Variants in GTF3C3 observed in about 807,000 individuals in gnomAD.
GTF3C3 encodes general transcription factor 3C polypeptide 3.
In GTF3C3, 75 loss-of-function variants were observed where a neutral mutation model predicts 105.2. The ratio of observed to expected loss-of-function variants is 0.71; its 90% CI spans 0.59 to 0.86. The LOEUF (loss-of-function observed/expected upper bound fraction) is 0.86. Among genes scored for constraint, GTF3C3 ranks in the 40% least tolerant of loss-of-function variants. GTF3C3 has a pLI of 0.00. For missense variants in GTF3C3, 856 were observed against 1,076.5 expected (o/e 0.80, Z 2.87); for synonymous variants, 335 against 370.4 (o/e 0.90, Z 1.10).
Position 196,780,581 on chromosome 2 carries a change from A to AG in GTF3C3, c.1195dup (p.Leu399ProfsTer5). 6.2e-7 allele frequency: 1 copy of AG among 1,613,490 alleles called. No homozygotes were observed. The highest frequency in any genetic ancestry group is 8.5e-7 in the Non-Finnish European group (1 of 1,179,564). Reference sequence around the variant, plus strand: ...TACATTAAGTGGTTCAAGAATGTTGAGATGTACAAGGCAGACCATCAACTT... The same window carrying AG: ...TACATTAAGTGGTTCAAGAATGTTGAGGATGTACAAGGCAGACCATCAACTT... On this transcript the variant is annotated frameshift_variant, in exon 9 of 18. Coordinates refer to ENST00000263956, the MANE Select transcript of GTF3C3 (RefSeq NM_012086.5). LOFTEE classifies it high-confidence loss of function.
At chr2:196,794,551 C>T (rs527945265) in intron 2 of GTF3C3, among the ~76,000 whole-genome samples, 17 of 152,164 alleles carry the variant, frequency 1.1e-4, no homozygotes, top group Non-Finnish European at 2.5e-4. Flanking sequence ...TCTCCTGCCT[C>T]AGCCTCATGG....
chr2:196,776,634 G>A lies in GTF3C3; in HGVS notation c.1391-5C>T, dbSNP rs1294126375. The A allele has an allele frequency of 6.3e-7, 1 of 1,597,894 alleles. No individual in the cohort carries two copies. Among genetic ancestry groups the A allele is most frequent in the Admixed American group, 1.7e-5 (1 of 59,702 alleles). Reference sequence around the variant, plus strand: ...AGCCTAAGGCCTTTAAACATTCTAAGATGATGTTAAAATAAAGCAAAAGTA... The same window carrying A: ...AGCCTAAGGCCTTTAAACATTCTAAAATGATGTTAAAATAAAGCAAAAGTA... On this transcript the variant is annotated splice_polypyrimidine_tract_variant and splice_region_variant and intron_variant, in intron 10 of 17. Transcript: ENST00000263956. The surrounding 1 kb of genome is among the most constrained non-coding windows in gnomAD (Gnocchi z 4.5).
chr2:196,785,441 C>T lies in GTF3C3; in HGVS notation c.1041G>A (p.Glu347=). Residue 347 remains glutamate, a splice_region_variant and synonymous_variant, in exon 7 of 18, where the codon GAG becomes GAA. Transcript: ENST00000263956. ...ISNKQYDKAL[E]IITDFSGIVL... is the part of the protein sequence containing the mutation. ...CAGAGAAACACATAAGCATTCCTAC[C>T]TCCAAAGCTTTGTCATACTGTTTGT... The T allele has an allele frequency of 1.9e-6, 3 of 1,592,608 alleles. No individual in the cohort carries two copies. The highest frequency in any genetic ancestry group is 1.2e-5 in the South Asian group (1 of 86,318).
chr2:196,791,278 ATTTGT>A (rs1257584132), intron 4 of GTF3C3, 54 bp downstream of exon 4: 9 of 1,558,206 alleles, frequency 5.8e-6, no homozygotes, highest in Admixed American at 1.7e-5. Context: ...GTGCTCCCCC[ATTTGT>A]TTTAAGTCAG....
chr2:196,793,140 T>C lies in GTF3C3; in HGVS notation c.227A>G (p.Asp76Gly), dbSNP rs1361412271. Residue 76 changes from aspartate to glycine, a missense_variant, in exon 3 of 18, where the codon GAT becomes GGT. Physicochemically the swap from Asp to Gly is moderately conservative, Grantham distance 94 (BLOSUM62 -1). This residue lies in a region of GTF3C3 where 117 missense variants were observed against 114.0 expected (regional missense o/e 1.03). Transcript: ENST00000263956. ...CTTGTGAACTGACTTCCTCACTCCA[T>C]CTGATGTTTCTCCTGAGAAAAGAGA... ...DKDVNEGETS[D>G]GVRKSVHKVF... 6.9e-6 allele frequency: 11 copies of C among 1,604,792 alleles called. No homozygotes were observed. Among genetic ancestry groups the C allele is most frequent in the Admixed American group, 1.7e-5 (1 of 59,130 alleles).
Position 196,789,294 on chromosome 2 carries a change from T to G in GTF3C3, c.803A>C (p.Lys268Thr). The G allele has an allele frequency of 6.2e-7, 1 of 1,613,606 alleles. No homozygotes were observed. Among genetic ancestry groups the G allele is most frequent in the Non-Finnish European group, 8.5e-7 (1 of 1,179,678 alleles). Residue 268 changes from lysine (K) to threonine (T), a missense_variant, in exon 6 of 18, where the codon AAA becomes ACA. Lys to Thr is a moderately conservative substitution (Grantham distance 78, BLOSUM62 -1). Transcript: ENST00000263956. ...ACGCCTATAACCATCCATGGCCATT[T>G]TATGATCACCCATCTGTTCATAAAG... is the stretch of plus-strand genomic sequence containing the variant. ...SSLYEQMGDH[K>T]MAMDGYRRIL...
chr2:196,781,358 ATATATAT>A (rs1355767123), intron 8 of GTF3C3, among the ~76,000 whole-genome samples: 3 of 31,928 alleles, frequency 9.4e-5, no homozygotes, highest in African/African-American at 4.1e-4. Flanking sequence ...AAAAAAAAAA[ATATATAT>A]ATATATATAT....
chr2:196,776,075 A>G lies in GTF3C3; in HGVS notation c.1630T>C (p.Phe544Leu), dbSNP rs140024411. 4 of 1,597,120 alleles carry G rather than the reference A, an allele frequency of 2.5e-6. No individual in the cohort carries two copies. The highest frequency in any genetic ancestry group is 3.4e-6 in the Non-Finnish European group (4 of 1,169,668). ...KLLLHRSTLLFSQGKMYGYVD... is the reference protein window; with the variant it reads ...KLLLHRSTLLLSQGKMYGYVD... ...TAACCATACATTTTGCCTTGTGAAA[A>G]CAACAGAGTAGAACGATGAAGCAAT... is the stretch of plus-strand genomic sequence containing the variant. Residue 544 changes from phenylalanine to leucine, a missense_variant, in exon 12 of 18, where the codon TTT becomes CTT. Phe to Leu is a conservative substitution (Grantham distance 22). This residue lies in a region of GTF3C3 where 605 missense variants were observed against 833.6 expected (regional missense o/e 0.73). Transcript: ENST00000263956. This position sits in a 1 kb window ranked among gnomAD's most constrained non-coding sequence, Gnocchi z 4.5.
At chr2:196,791,679 T>C (rs998614244) in intron 3 of GTF3C3, 6 of 416,408 alleles carry the variant, frequency 1.4e-5, no homozygotes, top group African/African-American at 1.2e-4. Context: ...CTCATTCTTG[T>C]AATCCCAGCA....
Position 196,780,530 on chromosome 2 carries a change from G to A in GTF3C3, c.1218+29C>T, listed in dbSNP as rs1271908348. The A allele has an allele frequency of 5.6e-6, 9 of 1,598,936 alleles. No individual in the cohort carries two copies. The South Asian group carries it at 1.0e-4, about 18-fold the overall frequency. ...AAAGAGATGGTGCATTTGATCTGAA[G>A]TATCTCAAGTGCAGATCTTGTTACA... On this transcript the variant is annotated intron_variant, in intron 9 of 17. Coordinates refer to ENST00000263956, the MANE Select transcript of GTF3C3 (RefSeq NM_012086.5).
chr2:196,791,398 A>G lies in GTF3C3; in HGVS notation c.474T>C (p.Ile158=), dbSNP rs1199066932. 1.2e-6 allele frequency: 2 copies of G among 1,614,010 alleles called. No homozygotes were observed. The highest frequency in any genetic ancestry group is 2.2e-5 in the South Asian group (2 of 91,080). The change falls in exon 4 of 18, where the codon ATT becomes ATC. Residue 158 remains isoleucine (I), a synonymous_variant. Coordinates refer to ENST00000263956, the MANE Select transcript of GTF3C3 (RefSeq NM_012086.5). ...ALRGLMGEAN[I]RFARGEREEA... ...CTTCACGTTCTCCTCGAGCAAAACGAATGTTGGCTTCACCCATGAGACCTC... is the reference window on the plus strand; with the variant it reads ...CTTCACGTTCTCCTCGAGCAAAACGGATGTTGGCTTCACCCATGAGACCTC...
In GTF3C3 at chr2:196,780,592, G is replaced by T; in HGVS notation, c.1185C>A (p.Cys395Ter). The T allele has an allele frequency of 6.2e-7, 1 of 1,613,564 alleles. No homozygotes were observed. Among genetic ancestry groups the T allele is most frequent in the Admixed American group, 1.7e-5 (1 of 59,998 alleles). The part of the protein sequence containing the change: ...PIDITVKLMV[C>*]LVHLNILEPL... ...GTTCAAGAATGTTGAGATGTACAAG[G>T]CAGACCATCAACTTCACTGTGATAT... The change falls in exon 9 of 18, where the codon TGC becomes TGA. Residue 395 changes from cysteine (C) to a stop codon, truncating the protein, a stop_gained. Coordinates refer to ENST00000263956, the MANE Select transcript of GTF3C3 (RefSeq NM_012086.5). LOFTEE classifies it high-confidence loss of function.
Position 196,791,338 on chromosome 2 carries a change from T to C in GTF3C3, c.534A>G (p.Gln178=). ...AILMCMEIIR[Q]APLAYEPFST... ...TAACAAAGTCCCCACAGAAAACACC[T>C]TGTCTTATGATTTCCATGCACATCA... The change falls in exon 4 of 18, where the codon CAA becomes CAG. Residue 178 remains glutamine, a splice_region_variant and synonymous_variant. Transcript: ENST00000263956. 1.2e-6 allele frequency: 2 copies of C among 1,613,960 alleles called. No homozygotes were observed. The highest frequency in any genetic ancestry group is 1.1e-5 in the South Asian group (1 of 91,068).
In GTF3C3 at chr2:196,764,433, A is replaced by G. The variant is rs1456756021; in HGVS notation, c.*130T>C. 6 of 840,762 alleles carry G rather than the reference A, an allele frequency of 7.1e-6. No individual in the cohort carries two copies. Among genetic ancestry groups the G allele is most frequent in the Non-Finnish European group, 8.8e-6 (5 of 566,072 alleles). The allele number at this position is 840,762 out of a possible 1,614,324, so 52.1% of individuals were successfully genotyped here. On this transcript the variant is annotated 3_prime_UTR_variant, in exon 18 of 18. Transcript: ENST00000263956. Reference sequence around the variant, plus strand: ...AAGATCATTATCACATATTAAAAATAAATACACTGTTTGTTAGGTAATTCT... The same window carrying G: ...AAGATCATTATCACATATTAAAAATGAATACACTGTTTGTTAGGTAATTCT...
Position 196,770,027 on chromosome 2 carries a change from T to C in GTF3C3, c.2273A>G (p.Gln758Arg), listed in dbSNP as rs1248097467. 4 of 1,546,318 alleles carry C rather than the reference T, an allele frequency of 2.6e-6. No homozygotes were observed. Among genetic ancestry groups the C allele is most frequent in the Non-Finnish European group, 3.5e-6 (4 of 1,153,906 alleles). The change falls in exon 16 of 18, where the codon CAA (glutamine) becomes CGA (arginine). Residue 758 changes from glutamine to arginine, a missense_variant. By Grantham distance (43) the Gln-to-Arg change is conservative. Transcript: ENST00000263956. ...SFKHALGQYVQAFRTHPDEPL... is the reference protein window; with the variant it reads ...SFKHALGQYVRAFRTHPDEPL... ...TTCGTCAGGGTGAGTGCGAAAGGCT[T>C]GCACATACTGTCCTGGAAAATAAGC...
At chr2:196,797,743 C>G (rs577416557) in intron 2 of GTF3C3, 54 bp downstream of exon 2, 1 of 993,190 alleles carries the variant, frequency 1.0e-6, no homozygotes, top group South Asian at 1.3e-5. Context: ...CACTAAATTA[C>G]TTTGCTTACA....
At chr2:196,795,090 G>A (rs1009422273) in intron 2 of GTF3C3, among the ~76,000 whole-genome samples, 1 of 152,072 alleles carries the variant, frequency 6.6e-6, no homozygotes, top group Non-Finnish European at 1.5e-5. Context: ...CGCCCAGGCT[G>A]GATTGCAGTG....
intron 3 of GTF3C3, 34 bp downstream of exon 3, chr2:196,792,922 T>C (rs756640449): frequency 6.9e-7 from 1 of 1,444,088 alleles, no homozygotes. Flanking sequence ...ACTTTCTTCA[T>C]TGTTTATAAA....
At chr2:196,787,504 G>C (rs140450470) in intron 6 of GTF3C3, among the ~76,000 whole-genome samples, 13 of 152,130 alleles carry the variant, frequency 8.5e-5, no homozygotes, top group African/African-American at 2.2e-4. Context: ...TGCACTTCCT[G>C]TTTCCTTTAC....
Sources: gnomAD v4.1 joint callset for allele counts (sites outside exome capture counted in the v4.1 genomes callset) on GRCh38, gnomAD v4.1.1 for gene constraint, gnomAD v4.1.1 regional missense constraint, Gnocchi (gnomAD v3.1) non-coding constraint, MANE v1.5 for transcripts, NCBI Gene and HGNC (gene_info 2026-07-23, HGNC 2026-07-21) for gene names.